CROCC: variants seen among roughly 807,000 people sequenced by gnomAD.
CROCC encodes ciliary rootlet coiled-coil, rootletin.
Under a neutral mutation model 245.2 loss-of-function variants are expected in CROCC, and 180 were observed. The observed-to-expected ratio is 0.73, with a 90% CI of 0.65 to 0.83. CROCC has a LOEUF of 0.83. Ranked by LOEUF, CROCC falls within the 40% of genes least tolerant of loss-of-function variation. The probability of loss-of-function intolerance (pLI) is 0.00; values close to 1 mark genes in which losing one functional copy is unlikely to be tolerated. For synonymous variants in CROCC, 1,205 were observed against 1,241.6 expected (o/e 0.97, Z 0.62); for missense variants, 2,688 against 2,779.4 (o/e 0.97, Z 0.74).
Position 16,966,228 on chromosome 1 carries a change from G to A in CROCC, c.4696+109G>A, listed in dbSNP as rs74058338. 1.4e-3 allele frequency: 2,153 copies of A among 1,488,602 alleles called. 37 individuals carry two copies. The African/African-American group carries it at 0.027, about 19-fold the overall frequency. The allele number at this position is 1,488,602 out of a possible 1,614,324, so 92.2% of individuals were successfully genotyped here. A position where few individuals can be genotyped will look rare whatever the true frequency, so the allele number is the denominator to read the frequency against. On this transcript the variant is annotated intron_variant, in intron 29 of 36. Coordinates refer to ENST00000375541, the MANE Select transcript of CROCC (RefSeq NM_014675.5). This position sits in a 1 kb window ranked among gnomAD's most constrained non-coding sequence, Gnocchi z 4.8. Reference sequence around the variant, plus strand: ...TGCCGTGGCCCCCATGACCTGACTCGGGGCTGTCTCCAAGAGGACCCTCCT... The same window carrying A: ...TGCCGTGGCCCCCATGACCTGACTCAGGGCTGTCTCCAAGAGGACCCTCCT...
chr1:16,927,272 G>C (rs2100342350), intron 3 of CROCC, among the ~76,000 whole-genome samples: 1 of 152,320 alleles, frequency 6.6e-6, no homozygotes, highest in Non-Finnish European at 1.5e-5. Flanking sequence ...CCACCACCGG[G>C]GACCTATAAC....
In CROCC at chr1:16,969,187, G is replaced by A. The variant is rs1285008960; in HGVS notation, c.5148G>A (p.Lys1716=). The change falls in exon 32 of 37, where the codon AAG becomes AAA. Residue 1716 remains lysine (K), a synonymous_variant. Transcript: ENST00000375541. ...TVERLNGALA[K]VEESEGALRD... is the part of the protein sequence containing the mutation. ...AGCGGCTGAATGGGGCCCTGGCTAA[G>A]GTGGAGGAAAGCGAGGGGGCCCTGC... The A allele has an allele frequency of 1.9e-6, 3 of 1,610,050 alleles. No individual in the cohort carries two copies. The East Asian group carries it at 6.7e-5, about 36-fold the overall frequency.
intron 1 of CROCC, among the ~76,000 whole-genome samples, chr1:16,914,455 C>A (rs1380751268): frequency 1.3e-5 from 2 of 152,260 alleles, no homozygotes; most frequent in Non-Finnish European, 2.9e-5. Flanking sequence ...GGGAGGCCCT[C>A]GCGACGGCCT....
intron 3 of CROCC, among the ~76,000 whole-genome samples, chr1:16,928,671 C>T (rs551568625): frequency 4.6e-5 from 7 of 151,914 alleles, no homozygotes; most frequent in South Asian, 2.1e-4. Context: ...GGTGTGGTGG[C>T]GTGCACCTGT....
intron 15 of CROCC, 32 bp from the exon 16 acceptor site, chr1:16,946,227 C>CT: frequency 2.5e-6 from 4 of 1,604,560 alleles, no homozygotes; most frequent in Non-Finnish European, 3.4e-6. Flanking sequence ...ACCTTTCTGC[C>CT]TTTCCTCATT....
At chr1:16,921,597 G>T (rs1202295383), upstream of CROCC, among the ~76,000 whole-genome samples, 1 of 152,274 alleles carries the variant, frequency 6.6e-6, no homozygotes, top group Non-Finnish European at 1.5e-5. Context: ...TAGGACTCTG[G>T]CCTTTCCCGC....
intron 14 of CROCC, 30 bp downstream of exon 14, chr1:16,944,312 C>G: frequency 6.6e-7 from 1 of 1,505,340 alleles, no homozygotes; most frequent in Non-Finnish European, 8.9e-7. Flanking sequence ...CCTGCCAGGA[C>G]CCTTCAGATG....
intron 13 of CROCC, among the ~76,000 whole-genome samples, chr1:16,941,711 G>A (rs1323277038): frequency 5.3e-5 from 8 of 149,816 alleles, no homozygotes; most frequent in Admixed American, 1.3e-4. Context: ...CAGCCTGAGC[G>A]ACAGAGCAAG....
Position 16,958,616 on chromosome 1 carries a change from G to A in CROCC, c.3898G>A (p.Gly1300Ser), listed in dbSNP as rs560996811. Residue 1300 changes from glycine (G) to serine (S), a missense_variant, in exon 26 of 37, where the codon GGC (glycine) becomes AGC (serine). Gly to Ser is a moderately conservative substitution (Grantham distance 56). Coordinates refer to ENST00000375541, the MANE Select transcript of CROCC (RefSeq NM_014675.5). ...KMLDSENTRL[G>S]RELAELQGRL... is the part of the protein sequence containing the mutation. ...GCTGGACAGTGAGAACACCAGACTG[G>A]GCCGGGAGCTGGCGGAGCTGCAGGG... 4.5e-6 allele frequency: 7 copies of A among 1,554,864 alleles called. No homozygotes were observed. The East Asian group carries it at 1.7e-4, about 37-fold the overall frequency.
chr1:16,917,400 T>C (rs1326615806), upstream of CROCC, among the ~76,000 whole-genome samples: 1 of 152,256 alleles, frequency 6.6e-6, no homozygotes, highest in African/African-American at 2.4e-5. Context: ...GGTAAGCGGA[T>C]AAGAGCAGCT....
At chr1:16,972,075 G>A (rs7545418) in intron 36 of CROCC, among the ~76,000 whole-genome samples, 14,567 of 152,272 alleles carry the variant, frequency 0.096, 1,280 homozygotes, top group African/African-American at 0.23. Context: ...GGCCGGGCTG[G>A]GTCACATGTC....
chr1:16,955,977 C>T lies in CROCC; in HGVS notation c.3705-20C>T, dbSNP rs1289468111. On this transcript the variant is annotated intron_variant, in intron 24 of 36. Coordinates refer to ENST00000375541, the MANE Select transcript of CROCC (RefSeq NM_014675.5). ...CTACTCCCAGGACCCAGGGCAGCCC[C>T]TGACCTCTGCCCTCTCCAGCCTGAA... The T allele has an allele frequency of 5.8e-6, 9 of 1,549,260 alleles. No individual in the cohort carries two copies. The highest frequency in any genetic ancestry group is 4.1e-5 in the African/African-American group (3 of 73,128).
In CROCC at chr1:16,934,704, G is replaced by A. The variant is rs534532078; in HGVS notation, c.957-1933G>A. Among the ~76,000 whole-genome samples the A allele has an allele frequency of 3.2e-4, 48 of 152,358 alleles. No homozygotes were observed. The East Asian group carries it at 5.2e-3, about 17-fold the overall frequency. ...TTCACAAGGTTCACATTTCAAAAGG[G>A]TACACAGTAAAATGGCTCCCTCTCA... On this transcript the variant is annotated intron_variant, in intron 8 of 36. Coordinates refer to ENST00000375541, the MANE Select transcript of CROCC (RefSeq NM_014675.5).
chr1:16,968,115 C>T (rs2076448514), intron 30 of CROCC, 88 bp from the exon 31 acceptor site: 13 of 1,374,334 alleles, frequency 9.5e-6, no homozygotes, highest in Non-Finnish European at 1.3e-5. Context: ...AGGCTGCTCC[C>T]CACTTTCCCC....
At chr1:16,940,287 G>C (rs2075899860) in intron 13 of CROCC, among the ~76,000 whole-genome samples, 194 bp downstream of exon 13, 1 of 152,230 alleles carries the variant, frequency 6.6e-6, no homozygotes, top group Non-Finnish European at 1.5e-5. Flanking sequence ...GCAGTGGCGC[G>C]ATCTCGGCTC....
At position 16,939,038 on chromosome 1, in the gene CROCC, G is replaced by A. The variant is rs770504827; in HGVS notation, c.1504G>A (p.Gly502Ser). The A allele has an allele frequency of 1.8e-5, 29 of 1,592,846 alleles. No homozygotes were observed. Among genetic ancestry groups the A allele is most frequent in the Admixed American group, 5.3e-5 (3 of 56,568 alleles). Residue 502 changes from glycine to serine, a missense_variant, in exon 12 of 37, where the codon GGC becomes AGC. Physicochemically the swap from Gly to Ser is moderately conservative, Grantham distance 56. Around this residue, in one of 9 missense-constraint regions of CROCC, gnomAD observed 972 missense variants for 895.3 expected, o/e 1.09. Coordinates refer to ENST00000375541, the MANE Select transcript of CROCC (RefSeq NM_014675.5). Reference sequence around the variant, plus strand: ...GTCCCCACCGCGGCGCTCCTCGCCCGGCCGAGGCCGTTCACCCCGCCGAGG... The same window carrying A: ...GTCCCCACCGCGGCGCTCCTCGCCCAGCCGAGGCCGTTCACCCCGCCGAGG... ...TPSPPRRSSP[G>S]RGRSPRRGPS...
In CROCC at chr1:16,968,223, G is replaced by A. The variant is rs1421743840; in HGVS notation, c.4881G>A (p.Lys1627=). 5.1e-6 allele frequency: 8 copies of A among 1,566,684 alleles called. No homozygotes were observed. The East Asian group carries it at 9.5e-5, about 19-fold the overall frequency. ...RASQEKISKM[K]ANETKLEGDK... ...TGCAGGAGAAGATCAGCAAGATGAA[G>A]GCCAATGAGACAAAGCTGGAGGGCG... Residue 1627 remains lysine (K), a synonymous_variant, in exon 31 of 37, where the codon AAG becomes AAA. Coordinates refer to ENST00000375541, the MANE Select transcript of CROCC (RefSeq NM_014675.5).
At chr1:16,943,537 C>CAAAAAA (rs879660607) in intron 13 of CROCC, among the ~76,000 whole-genome samples, 1 of 143,154 alleles carries the variant, frequency 7.0e-6, no homozygotes. Context: ...GACTCCGTCT[C>CAAAAAA]AAAAAAAAAA....
At chr1:16,971,039 T>C (rs1441712061) in intron 35 of CROCC, 2 of 455,742 alleles carry the variant, frequency 4.4e-6, no homozygotes, top group African/African-American at 2.0e-5. Flanking sequence ...TTCTTGTGTA[T>C]GGAGCATGAA....
Sources: allele counts gnomAD v4.1 joint callset (sites outside exome capture counted in the v4.1 genomes callset), GRCh38; gene constraint gnomAD v4.1.1; regional missense constraint gnomAD v4.1.1; non-coding constraint Gnocchi (gnomAD v3.1); transcripts MANE v1.5; gene names NCBI Gene and HGNC (gene_info 2026-07-23, HGNC 2026-07-21).